Variants in RELCH observed in about 807,000 individuals in gnomAD.
RELCH encodes RAB11-binding protein RELCH.
In RELCH, 41 loss-of-function variants were observed where a neutral mutation model predicts 150.3. The observed-to-expected ratio is 0.27, with a 90% CI of 0.21 to 0.35. The LOEUF (loss-of-function observed/expected upper bound fraction) is 0.35. Among genes scored for constraint, RELCH ranks in the 10% least tolerant of loss-of-function variants. The pLI is 1.00. For missense variants in RELCH, 1,092 were observed against 1,467.8 expected (o/e 0.74, Z 4.18); for synonymous variants, 478 against 531.8 (o/e 0.90, Z 1.39).
chr18:62,299,246 A>G (rs1452610448), intron 28 of RELCH, among the ~76,000 whole-genome samples: 1 of 152,204 alleles, frequency 6.6e-6, no homozygotes, highest in Non-Finnish European at 1.5e-5. Context: ...AGGACTATCA[A>G]CTTGGGAATG....
chr18:62,192,213 G>A (rs1049182384), intron 1 of RELCH, among the ~76,000 whole-genome samples: 8 of 152,068 alleles, frequency 5.3e-5, no homozygotes, highest in African/African-American at 1.4e-4. Flanking sequence ...ATGTCCATTC[G>A]TGTCCTTTGC....
chr18:62,232,790 C>T (rs993705636), intron 10 of RELCH, among the ~76,000 whole-genome samples: 1 of 152,000 alleles, frequency 6.6e-6, no homozygotes, highest in African/African-American at 2.4e-5. Flanking sequence ...CAGAAATGGA[C>T]ACTCTTTGTA....
chr18:62,226,584 T>C (rs992093989), intron 5 of RELCH, among the ~76,000 whole-genome samples: 18 of 152,124 alleles, frequency 1.2e-4, no homozygotes, highest in Non-Finnish European at 2.9e-5. Flanking sequence ...ATAGGTACAA[T>C]TTATGTACTG....
chr18:62,298,979 C>T (rs984983457), intron 28 of RELCH, 119 bp downstream of exon 28: 385 of 592,846 alleles, frequency 6.5e-4, no homozygotes, highest in Non-Finnish European at 2.8e-4. Context: ...GTTTGGAAGA[C>T]AAGAAAATGA....
At chr18:62,262,621 G>A (rs970536065) in intron 16 of RELCH, among the ~76,000 whole-genome samples, 13 of 151,996 alleles carry the variant, frequency 8.6e-5, no homozygotes, top group African/African-American at 3.1e-4. Flanking sequence ...AAATTGAGGA[G>A]AATGAAAATT....
At chr18:62,292,916 G>A (rs1348099580) in intron 27 of RELCH, among the ~76,000 whole-genome samples, 2 of 152,068 alleles carry the variant, frequency 1.3e-5, no homozygotes, top group African/African-American at 4.8e-5. Flanking sequence ...TACAGCCAAA[G>A]TACTTTTCCT....
At position 62,276,953 on chromosome 18, in the gene RELCH, C is replaced by G. The variant is rs118013550; in HGVS notation, c.2967+1480C>G. Among the ~76,000 whole-genome samples the G allele has an allele frequency of 8.9e-3, 1,354 of 152,150 alleles. 5 individuals are homozygous for G. Among genetic ancestry groups the G allele is most frequent in the Non-Finnish European group, 0.014 (958 of 67,936 alleles). ...CATGAAAGAAAAGTCATTCATCAGT[C>G]TCTCCTCTCCCCAAAAAGAAAAAAG... is the stretch of plus-strand genomic sequence containing the variant. On this transcript the variant is annotated intron_variant, in intron 22 of 28. Coordinates refer to ENST00000644646, the MANE Select transcript of RELCH (RefSeq NM_001346231.2).
At chr18:62,244,006 C>T (rs1055527682) in intron 10 of RELCH, among the ~76,000 whole-genome samples, 5 of 151,872 alleles carry the variant, frequency 3.3e-5, no homozygotes, top group African/African-American at 1.2e-4. Context: ...ATTTGAAAAT[C>T]CACTCAAATG....
intron 22 of RELCH, chr18:62,277,683 T>C: frequency 1.0e-6 from 1 of 976,538 alleles, no homozygotes; most frequent in Non-Finnish European, 1.2e-6. Context: ...CACTAATAAA[T>C]TGAGTTTAAT....
rs868753977 is a variant in RELCH, at chr18:62,229,526, C to G, written c.1448+928C>G. 2.2e-3 allele frequency among the ~76,000 whole-genome samples: 294 copies of G among 134,962 alleles called. 3 individuals carry two copies. Among genetic ancestry groups the G allele is most frequent in the African/African-American group, 7.6e-3 (275 of 36,292 alleles). 88.5% of individuals were successfully genotyped at this position (134,962 alleles called of 152,430 possible). On this transcript the variant is annotated intron_variant, in intron 8 of 28. Coordinates refer to ENST00000644646, the MANE Select transcript of RELCH (RefSeq NM_001346231.2). ...TGTGTGTGTGTGTGTGTGTGTCTGT[C>G]TGTCTGTCTGTCTGTGTTGGTCACA...
intron 27 of RELCH, among the ~76,000 whole-genome samples, chr18:62,294,660 C>T (rs1188060899): frequency 6.6e-6 from 1 of 152,132 alleles, no homozygotes; most frequent in Non-Finnish European, 1.5e-5. Context: ...CATCTTCGAA[C>T]ACTGATTCTT....
chr18:62,262,904 G>A (rs1054516261), intron 16 of RELCH, among the ~76,000 whole-genome samples: 1 of 151,824 alleles, frequency 6.6e-6, no homozygotes, highest in South Asian at 2.1e-4. Context: ...TAGGGAAACT[G>A]CGAGGTAAAG....
In RELCH at chr18:62,305,322, C is replaced by A; in HGVS notation, c.3531-92C>A. Reference sequence around the variant, plus strand: ...TAGTTTCCCTTTTGTGACGCCAATTCAGAGTGTGTTCGTTAATGATATGCT... The same window carrying A: ...TAGTTTCCCTTTTGTGACGCCAATTAAGAGTGTGTTCGTTAATGATATGCT... On this transcript the variant is annotated intron_variant, in intron 28 of 28. Transcript: ENST00000644646. This position sits in a 1 kb window ranked among gnomAD's most constrained non-coding sequence, Gnocchi z 4.0. 1 of 1,110,036 alleles carries A rather than the reference C, an allele frequency of 9.0e-7. No homozygotes were observed. 68.8% of individuals were successfully genotyped at this position (1,110,036 alleles called of 1,614,324 possible). A position where few individuals can be genotyped will look rare whatever the true frequency, so the allele number is the denominator to read the frequency against.
At position 62,305,313 on chromosome 18, in the gene RELCH, A is replaced by G. The variant is rs1300812084; in HGVS notation, c.3531-101A>G. ...CATAAATATTAGTTTCCCTTTTGTG[A>G]CGCCAATTCAGAGTGTGTTCGTTAA... On this transcript the variant is annotated intron_variant, in intron 28 of 28. Coordinates refer to ENST00000644646, the MANE Select transcript of RELCH (RefSeq NM_001346231.2). This position sits in a 1 kb window ranked among gnomAD's most constrained non-coding sequence, Gnocchi z 4.0. The G allele has an allele frequency of 3.0e-6, 3 of 993,390 alleles. No individual in the cohort carries two copies. Among genetic ancestry groups the G allele is most frequent in the Non-Finnish European group, 4.3e-6 (3 of 698,562 alleles). The allele number at this position is 993,390 out of a possible 1,614,324, so 61.5% of individuals were successfully genotyped here. A position where few individuals can be genotyped will look rare whatever the true frequency, so the allele number is the denominator to read the frequency against.
chr18:62,235,871 CATATATA>C (rs1172369105), intron 10 of RELCH, among the ~76,000 whole-genome samples: 19 of 152,078 alleles, frequency 1.2e-4, no homozygotes, highest in African/African-American at 4.6e-4. Context: ...AGATTTTCTA[CATATATA>C]GAATCATGTC....
intron 1 of RELCH, among the ~76,000 whole-genome samples, chr18:62,201,306 C>G (rs1314876995): frequency 6.6e-6 from 1 of 152,028 alleles, no homozygotes; most frequent in Non-Finnish European, 1.5e-5. Context: ...TACACACAAC[C>G]TCAGGTTTAA....
intron 11 of RELCH, among the ~76,000 whole-genome samples, chr18:62,250,556 AT>A (rs1331834455): frequency 2.0e-5 from 3 of 152,318 alleles, no homozygotes; most frequent in Non-Finnish European, 4.4e-5. Context: ...GGAAATAGGA[AT>A]GCAAAAGAAA....
intron 12 of RELCH, among the ~76,000 whole-genome samples, chr18:62,254,075 C>T (rs1484354121): frequency 6.6e-6 from 1 of 152,046 alleles, no homozygotes; most frequent in East Asian, 1.9e-4. Context: ...TTTGACGGTT[C>T]CAGGTCCCTT....
chr18:62,288,548 A>G (rs1306066459), intron 26 of RELCH, among the ~76,000 whole-genome samples: 2 of 152,134 alleles, frequency 1.3e-5, no homozygotes, highest in Non-Finnish European at 2.9e-5. Flanking sequence ...TGGAAATACT[A>G]AAACTGAAAG....
Sources: gnomAD v4.1 joint callset for allele counts (sites outside exome capture counted in the v4.1 genomes callset) on GRCh38, gnomAD v4.1.1 for gene constraint, Gnocchi (gnomAD v3.1) non-coding constraint, MANE v1.5 for transcripts, NCBI Gene and HGNC (gene_info 2026-07-23, HGNC 2026-07-21) for gene names.